UTRN: variants seen among roughly 807,000 people sequenced by gnomAD.
The protein encoded by UTRN is utrophin.
Under a neutral mutation model 463.9 loss-of-function variants are expected in UTRN, and 283 were observed. That is an observed-to-expected ratio of 0.61 (90% CI 0.55 to 0.67). UTRN has a LOEUF of 0.67. UTRN is among the 30% of genes least tolerant of loss of function. The probability of loss-of-function intolerance (pLI) is 0.00; values close to 1 mark genes in which losing one functional copy is unlikely to be tolerated. For synonymous variants in UTRN, 1,442 were observed against 1,431.5 expected, an observed-to-expected ratio of 1.01 and a Z score of -0.17; for missense variants, 3,922 against 4,084.3, an observed-to-expected ratio of 0.96 and a Z score of 1.08.
At chr6:144,388,041 GA>G (rs908029865) in intron 2 of UTRN, among the ~76,000 whole-genome samples, 5 of 152,098 alleles carry the variant, frequency 3.3e-5, no homozygotes, top group African/African-American at 9.7e-5. Context: ...GTGCATTAAA[GA>G]AAAAATGTTA....
At chr6:144,576,620 T>C (rs1243778742) in intron 50 of UTRN, among the ~76,000 whole-genome samples, 1 of 152,168 alleles carries the variant, frequency 6.6e-6, no homozygotes, top group Non-Finnish European at 1.5e-5. Flanking sequence ...TGTAGGAGTA[T>C]TTGTTGATAC....
intron 73 of UTRN, among the ~76,000 whole-genome samples, chr6:144,844,052 T>G (rs1191425084): frequency 6.6e-6 from 1 of 152,214 alleles, no homozygotes; most frequent in East Asian, 1.9e-4. Context: ...GTTTTAATTT[T>G]TGGCTTCTGA....
chr6:144,391,680 C>T (rs7746285), intron 2 of UTRN, among the ~76,000 whole-genome samples: 1,936 of 152,278 alleles, frequency 0.013, 32 homozygotes, highest in African/African-American at 0.043. Context: ...CTCTCTCTGC[C>T]GCCCAGGCTA....
chr6:144,558,056 T>C (rs1454651395), intron 50 of UTRN, among the ~76,000 whole-genome samples: 1 of 152,246 alleles, frequency 6.6e-6, no homozygotes, highest in Non-Finnish European at 1.5e-5. Context: ...AAAATGCAAC[T>C]GTCTTAAAAC....
chr6:144,797,638 TC>T lies in UTRN; in HGVS notation c.9079-185del, dbSNP rs1777345475. On this transcript the variant is annotated intron_variant, in intron 63 of 74. Coordinates refer to ENST00000367545, the MANE Select transcript of UTRN (RefSeq NM_007124.3). The stretch of plus-strand genomic sequence containing the variant: ...TTCCTATGTGACAATTTCTGCTTTT[TC>T]TACTCATAAGTTCTAGAATTTTCTT... 7.7e-6 allele frequency: 4 copies of T among 516,174 alleles called. No homozygotes were observed. In the East Asian group the frequency reaches 1.4e-4, roughly 18 times the overall value. The allele number at this position is 516,174 out of a possible 1,614,324, so 32.0% of individuals were successfully genotyped here. A position where few individuals can be genotyped will look rare whatever the true frequency, so the allele number is the denominator to read the frequency against.
chr6:144,588,536 C>T (rs1459889541), intron 51 of UTRN, among the ~76,000 whole-genome samples: 1 of 152,108 alleles, frequency 6.6e-6, no homozygotes, highest in African/African-American at 2.4e-5. Flanking sequence ...AAATCCGGAA[C>T]AAATAGAAGG....
chr6:144,615,892 C>T (rs1466765700), intron 51 of UTRN, among the ~76,000 whole-genome samples: 3 of 152,282 alleles, frequency 2.0e-5, no homozygotes, highest in African/African-American at 4.8e-5. Flanking sequence ...AAACCCCTTA[C>T]GCTGCCCTAC....
intron 51 of UTRN, among the ~76,000 whole-genome samples, chr6:144,627,588 G>A (rs964860066): frequency 4.6e-5 from 7 of 152,054 alleles, no homozygotes; most frequent in African/African-American, 1.7e-4. Flanking sequence ...CGGAAACTCT[G>A]TTCCCATTAA....
chr6:144,566,743 A>T (rs1800436700), intron 50 of UTRN, among the ~76,000 whole-genome samples: 1 of 152,194 alleles, frequency 6.6e-6, no homozygotes, highest in South Asian at 2.1e-4. Context: ...TGCCTGGAAG[A>T]TGGGTGAACA....
chr6:144,562,677 A>G (rs978697467), intron 50 of UTRN, among the ~76,000 whole-genome samples: 3 of 152,154 alleles, frequency 2.0e-5, no homozygotes, highest in South Asian at 4.1e-4. Context: ...ACATACATGT[A>G]TCTTTATAAT....
chr6:144,720,119 T>C (rs1786955498), intron 53 of UTRN, among the ~76,000 whole-genome samples: 1 of 152,234 alleles, frequency 6.6e-6, no homozygotes. Flanking sequence ...TATTAAAAGA[T>C]TTGCAGGATC....
rs140612467 is a variant in UTRN at position 144,426,372 on chromosome 6, C to G, written c.491C>G (p.Thr164Ser). The change falls in exon 7 of 75, where the codon ACC becomes AGC. Residue 164 changes from threonine to serine, a missense_variant. Physicochemically the swap from Thr to Ser is moderately conservative, Grantham distance 58. Transcript: ENST00000367545. ...KILLSWVRQT[T>S]RPYSQVNVLN... The stretch of plus-strand genomic sequence containing the variant: ...CTGCTCAGCTGGGTGCGTCAGACCA[C>G]CAGGCCCTACAGCCAAGTCAACGTC... The G allele has an allele frequency of 2.0e-5, 32 of 1,614,154 alleles. No homozygotes were observed. In the African/African-American group the frequency reaches 3.7e-4, roughly 19 times the overall value.
At chr6:144,506,297 G>C (rs1486443741) in intron 34 of UTRN, among the ~76,000 whole-genome samples, 3 of 152,100 alleles carry the variant, frequency 2.0e-5, no homozygotes, top group African/African-American at 7.2e-5. Context: ...ATTTGATCCT[G>C]TCATTATGAT....
chr6:144,400,432 C>T (rs1782839336), intron 2 of UTRN, among the ~76,000 whole-genome samples: 1 of 152,052 alleles, frequency 6.6e-6, no homozygotes, highest in Non-Finnish European at 1.5e-5. Flanking sequence ...TGTCCTGTTA[C>T]TCGTCTGCTA....
intron 53 of UTRN, among the ~76,000 whole-genome samples, chr6:144,708,831 T>G (rs1785354815): frequency 6.6e-6 from 1 of 152,156 alleles, no homozygotes. Flanking sequence ...GAGGCTGGGC[T>G]CACAGTTCCA....
At chr6:144,787,123 A>G (rs1169712515) in intron 61 of UTRN, among the ~76,000 whole-genome samples, 1 of 152,124 alleles carries the variant, frequency 6.6e-6, no homozygotes, top group Non-Finnish European at 1.5e-5. Flanking sequence ...CCTTAGCCAC[A>G]TTCATGTACT....
chr6:144,635,518 TTTTTTTTTTTTC>T (rs1562685743), intron 51 of UTRN, among the ~76,000 whole-genome samples: 2 of 80,474 alleles, frequency 2.5e-5, no homozygotes, highest in African/African-American at 1.0e-4. Context: ...TTTTTTCTTT[TTTTTTTTTTTTC>T]TTTTCTTTTT....
At chr6:144,687,065 G>A (rs1782845347) in intron 52 of UTRN, among the ~76,000 whole-genome samples, 1 of 152,098 alleles carries the variant, frequency 6.6e-6, no homozygotes, top group Admixed American at 6.5e-5. Context: ...CATTTCTTGT[G>A]TGGCTGGTCT....
chr6:144,436,794 A>T (rs968836094), intron 10 of UTRN, among the ~76,000 whole-genome samples: 1 of 143,324 alleles, frequency 7.0e-6, no homozygotes, highest in African/African-American at 2.6e-5. Context: ...ATATATATTT[A>T]TATATAAATA....
Sources: gnomAD v4.1 joint callset for allele counts (sites outside exome capture counted in the v4.1 genomes callset) on GRCh38, gnomAD v4.1.1 for gene constraint, MANE v1.5 for transcripts, NCBI Gene and HGNC (gene_info 2026-07-23, HGNC 2026-07-21) for gene names.